The following PTPRD variants were observed in gnomAD, a reference collection of about 807,000 sequenced individuals.
The protein encoded by PTPRD is receptor-type tyrosine-protein phosphatase delta.
PTPRD carries 34 observed loss-of-function variants against 214.5 expected under a neutral mutation model. The ratio of observed to expected loss-of-function variants is 0.16; its 90% CI spans 0.12 to 0.21. PTPRD has a LOEUF of 0.21. Ranked by LOEUF, PTPRD falls within the 10% of genes least tolerant of loss-of-function variation. The pLI is 1.00. For missense variants in PTPRD, 2,545 were observed against 2,398.7 expected (o/e 1.06, Z -1.27); for synonymous variants, 1,128 against 845.7 (o/e 1.33, Z -5.79).
chr9:9,734,320 A>G (rs2098254268), intron 7 of PTPRD, among the ~76,000 whole-genome samples: 1 of 152,140 alleles, frequency 6.6e-6, no homozygotes, highest in Admixed American at 6.6e-5. Flanking sequence ...CATGAAGTTG[A>G]ATCTCCAAGA....
At chr9:8,428,573 T>C (rs1317797741) in intron 35 of PTPRD, among the ~76,000 whole-genome samples, 6 of 152,250 alleles carry the variant, frequency 3.9e-5, no homozygotes, top group South Asian at 2.1e-4. Flanking sequence ...GCATAAAAGA[T>C]GAAAACAGAT....
intron 5 of PTPRD, among the ~76,000 whole-genome samples, chr9:9,806,426 G>A (rs141166345): frequency 8.9e-4 from 135 of 152,184 alleles, no homozygotes; most frequent in African/African-American, 3.0e-3. Flanking sequence ...CCTTGTGAAT[G>A]TATTTTGTAA....
chr9:10,059,905 T>C (rs978296854), intron 3 of PTPRD, among the ~76,000 whole-genome samples: 1 of 151,900 alleles, frequency 6.6e-6, no homozygotes, highest in Non-Finnish European at 1.5e-5. Context: ...ATGGCAAAAA[T>C]GTTATTCTCA....
intron 39 of PTPRD, among the ~76,000 whole-genome samples, chr9:8,346,473 A>C (rs12340173): frequency 0.067 from 10,190 of 152,174 alleles, 1,141 homozygotes; most frequent in African/African-American, 0.23. Context: ...TTAAATGGAA[A>C]ATTCCAGAAA....
chr9:9,364,123 A>C (rs575147375), intron 9 of PTPRD, among the ~76,000 whole-genome samples: 1 of 151,562 alleles, frequency 6.6e-6, no homozygotes, highest in African/African-American at 2.4e-5. Context: ...TGCCTCTCTT[A>C]AATCAACATG....
At chr9:10,417,661 A>C (rs1304148346) in intron 2 of PTPRD, among the ~76,000 whole-genome samples, 2 of 151,802 alleles carry the variant, frequency 1.3e-5, no homozygotes, top group African/African-American at 2.4e-5. Flanking sequence ...GCATGTTATT[A>C]CTTAATATTA....
At chr9:10,490,594 G>C (rs999514740) in intron 2 of PTPRD, among the ~76,000 whole-genome samples, 22 of 152,204 alleles carry the variant, frequency 1.4e-4, no homozygotes, top group African/African-American at 4.8e-4. Flanking sequence ...AGTTTGGCTT[G>C]AAATTTAAAT....
chr9:8,419,429 G>T (rs912870305), intron 35 of PTPRD, among the ~76,000 whole-genome samples: 19 of 151,924 alleles, frequency 1.3e-4, no homozygotes, highest in Admixed American at 5.3e-4. Flanking sequence ...TCAAGGGTAT[G>T]CTTTGAAAAC....
intron 9 of PTPRD, among the ~76,000 whole-genome samples, chr9:9,264,401 A>G (rs1374703024): frequency 6.6e-6 from 1 of 151,700 alleles, no homozygotes; most frequent in Non-Finnish European, 1.5e-5. Flanking sequence ...AAAATGCAAT[A>G]GAGAGTGTCA....
chr9:9,630,276 G>A lies in PTPRD; in HGVS notation c.-286-55495C>T, dbSNP rs147731081. ...TTAGGTCATAGACAACATACCAGGT[G>A]TTGGTTTTATATAGCAAAGAAAAAG... is the stretch of plus-strand genomic sequence containing the variant. On this transcript the variant is annotated intron_variant, in intron 7 of 45. Coordinates refer to ENST00000381196, the MANE Select transcript of PTPRD (RefSeq NM_002839.4). Among the ~76,000 whole-genome samples, 1,439 of 152,274 alleles carry A rather than the reference G, an allele frequency of 9.5e-3. 23 individuals are homozygous for A. Among genetic ancestry groups the A allele is most frequent in the African/African-American group, 0.033 (1,376 of 41,546 alleles).
chr9:8,509,246 G>A (rs2097617386), intron 21 of PTPRD, among the ~76,000 whole-genome samples: 1 of 152,108 alleles, frequency 6.6e-6, no homozygotes, highest in African/African-American at 2.4e-5. Context: ...AATGGAAAAT[G>A]CATTATTTCT....
At chr9:10,019,330 G>T (rs982181145) in intron 4 of PTPRD, among the ~76,000 whole-genome samples, 1 of 152,154 alleles carries the variant, frequency 6.6e-6, no homozygotes. Flanking sequence ...CTGTTGGTGG[G>T]ACTGTAAACT....
At chr9:10,476,526 G>T (rs990595561) in intron 2 of PTPRD, among the ~76,000 whole-genome samples, 1 of 152,104 alleles carries the variant, frequency 6.6e-6, no homozygotes, top group African/African-American at 2.4e-5. Context: ...ATACTCATGG[G>T]TAGGAAGAAT....
chr9:10,067,991 A>G (rs1227097665), intron 3 of PTPRD, among the ~76,000 whole-genome samples: 2 of 151,958 alleles, frequency 1.3e-5, no homozygotes, highest in African/African-American at 4.8e-5. Flanking sequence ...CCAGCGCCAC[A>G]CTGAATCACA....
At chr9:9,398,267 G>T (rs917834993) in intron 8 of PTPRD, among the ~76,000 whole-genome samples, 4 of 151,854 alleles carry the variant, frequency 2.6e-5, no homozygotes, top group African/African-American at 7.3e-5. Flanking sequence ...TCTCTTTCTA[G>T]ATGTTCCCAC....
chr9:9,629,706 G>C (rs940056593), intron 7 of PTPRD, among the ~76,000 whole-genome samples: 129 of 152,066 alleles, frequency 8.5e-4, no homozygotes, highest in African/African-American at 3.0e-3. Context: ...GGATGGAAGA[G>C]GGTAAGGAGA....
chr9:9,696,749 T>A (rs900746747), intron 7 of PTPRD, among the ~76,000 whole-genome samples: 1 of 152,112 alleles, frequency 6.6e-6, no homozygotes, highest in African/African-American at 2.4e-5. Context: ...TGTTTCTTTA[T>A]TCGTTCAGAC....
intron 12 of PTPRD, among the ~76,000 whole-genome samples, chr9:8,643,367 A>C (rs72698291): frequency 0.096 from 14,560 of 152,048 alleles, 911 homozygotes; most frequent in Non-Finnish European, 0.13. Context: ...GGAAGGAAGG[A>C]AGGAAGGCAG....
At chr9:9,776,866 C>T (rs990557196) in intron 5 of PTPRD, among the ~76,000 whole-genome samples, 3 of 152,196 alleles carry the variant, frequency 2.0e-5, no homozygotes, top group Non-Finnish European at 4.4e-5. Context: ...CATTCGTTAA[C>T]TAGATAATAA....
Sources: allele counts gnomAD v4.1 joint callset (sites outside exome capture counted in the v4.1 genomes callset), GRCh38; gene constraint gnomAD v4.1.1; transcripts MANE v1.5; gene names NCBI Gene and HGNC (gene_info 2026-07-23, HGNC 2026-07-21).